Variants in SHANK2 observed in about 807,000 individuals in gnomAD.
SHANK2 encodes SH3 and multiple ankyrin repeat domains 2, also known as SH3 and multiple ankyrin repeat domains protein 2.
In SHANK2, 43 loss-of-function variants were observed where a neutral mutation model predicts 133.7. That is an observed-to-expected ratio of 0.32 (90% CI 0.25 to 0.41). SHANK2 has a LOEUF of 0.41. Among genes scored for constraint, SHANK2 ranks in the 10% least tolerant of loss-of-function variants. The pLI, the probability that SHANK2 is intolerant of heterozygous loss-of-function variation, is 1.00. For synonymous variants in SHANK2, 1,017 were observed against 952.8 expected (o/e 1.07, Z -1.24); for missense variants, 1,994 against 2,235.8 (o/e 0.89, Z 2.18).
chr11:70,929,372 G>A (rs1392100525), intron 10 of SHANK2, among the ~76,000 whole-genome samples: 1 of 152,222 alleles, frequency 6.6e-6, no homozygotes, highest in African/African-American at 2.4e-5. Flanking sequence ...GTTCCCTGTT[G>A]CTGCTGTAAC....
Position 70,569,814 on chromosome 11 carries a change from T to C in SHANK2, c.2062-66883A>G, listed in dbSNP as rs1296685121. 6.6e-6 allele frequency among the ~76,000 whole-genome samples: 1 copy of C among 151,184 alleles called. No homozygotes were observed. Among genetic ancestry groups the C allele is most frequent in the Non-Finnish European group, 1.5e-5 (1 of 67,822 alleles). On this transcript the variant is annotated intron_variant, in intron 17 of 25. Transcript: ENST00000601538. This position sits in a 1 kb window ranked among gnomAD's most constrained non-coding sequence, Gnocchi z 5.1. The stretch of plus-strand genomic sequence containing the variant: ...GGCAGATGTGTGAGCACGGAGGGGG[T>C]TCCTCAGCCCGGGAAAAGGCTGAGG...
intron 3 of SHANK2, among the ~76,000 whole-genome samples, chr11:71,143,479 G>A (rs1203741053): frequency 3.3e-5 from 5 of 152,178 alleles, no homozygotes; most frequent in East Asian, 1.9e-4. Flanking sequence ...GTGGTGGTCC[G>A]ACTTCTTGTC....
chr11:70,727,671 G>A (rs782255379), intron 14 of SHANK2, among the ~76,000 whole-genome samples: 6 of 152,170 alleles, frequency 3.9e-5, no homozygotes, highest in South Asian at 2.1e-4. Flanking sequence ...GCAGGCATAC[G>A]GTAAAAATGA....
At chr11:70,747,373 T>A (rs1946662586) in intron 14 of SHANK2, among the ~76,000 whole-genome samples, 1 of 152,180 alleles carries the variant, frequency 6.6e-6, no homozygotes, top group African/African-American at 2.4e-5. Flanking sequence ...AACACAGTCC[T>A]GTTTTCTGCT....
chr11:71,209,009 A>G (rs1302187637), intron 2 of SHANK2, among the ~76,000 whole-genome samples: 1 of 152,196 alleles, frequency 6.6e-6, no homozygotes, highest in Non-Finnish European at 1.5e-5. Flanking sequence ...CTCACCAGAG[A>G]GGACACTCGG....
chr11:71,133,346 ATGGCTGGC>A (rs57172693), intron 3 of SHANK2, among the ~76,000 whole-genome samples: 1 of 111,890 alleles, frequency 8.9e-6, no homozygotes, highest in Non-Finnish European at 1.8e-5. Flanking sequence ...GGGAGGATGC[ATGGCTGGC>A]TGGCTGGCTG....
chr11:70,866,182 C>A (rs1457874829), intron 11 of SHANK2, among the ~76,000 whole-genome samples: 1 of 152,184 alleles, frequency 6.6e-6, no homozygotes, highest in African/African-American at 2.4e-5. Context: ...GCAGTCTACA[C>A]CCTCCTGGTG....
chr11:70,530,513 G>A (rs1277237914), intron 17 of SHANK2, among the ~76,000 whole-genome samples: 2 of 152,164 alleles, frequency 1.3e-5, no homozygotes, highest in African/African-American at 4.8e-5. Flanking sequence ...TCCTGCCTGG[G>A]TGACAGAGCA....
At chr11:71,108,246 C>G (rs1242586648) in intron 6 of SHANK2, among the ~76,000 whole-genome samples, 4 of 152,218 alleles carry the variant, frequency 2.6e-5, no homozygotes, top group African/African-American at 4.8e-5. Context: ...GAAGCTGCCA[C>G]ATCAGCGCAG....
At chr11:71,134,260 G>C (rs1952394055) in intron 3 of SHANK2, among the ~76,000 whole-genome samples, 1 of 151,638 alleles carries the variant, frequency 6.6e-6, no homozygotes, top group Non-Finnish European at 1.5e-5. Context: ...CAGGCATCTG[G>C]GGAGGGGAGA....
At chr11:70,877,377 G>A (rs750222519) in intron 11 of SHANK2, among the ~76,000 whole-genome samples, 1 of 152,146 alleles carries the variant, frequency 6.6e-6, no homozygotes, top group Non-Finnish European at 1.5e-5. Flanking sequence ...CCGGCCACTG[G>A]GTCTGCCGGC....
At chr11:70,575,192 A>G (rs2060100551) in intron 17 of SHANK2, among the ~76,000 whole-genome samples, 1 of 152,142 alleles carries the variant, frequency 6.6e-6, no homozygotes, top group Non-Finnish European at 1.5e-5. Flanking sequence ...GCAGCAGAGG[A>G]ATGGTCACCC....
chr11:70,592,698 A>T (rs1279376618), intron 17 of SHANK2, among the ~76,000 whole-genome samples: 1 of 151,790 alleles, frequency 6.6e-6, no homozygotes, highest in African/African-American at 2.4e-5. Context: ...TCCCTCCTCC[A>T]GCCCCCTCCC....
At chr11:70,525,684 G>A (rs1316606292) in intron 17 of SHANK2, among the ~76,000 whole-genome samples, 4 of 151,836 alleles carry the variant, frequency 2.6e-5, no homozygotes, top group African/African-American at 4.8e-5. Context: ...TGGCACCCCC[G>A]TAAACACACA....
At chr11:70,860,219 T>A (rs1949236490) in intron 11 of SHANK2, among the ~76,000 whole-genome samples, 1 of 152,106 alleles carries the variant, frequency 6.6e-6, no homozygotes, top group African/African-American at 2.4e-5. Flanking sequence ...TCAAACCTTC[T>A]CTACCCGCCC....
intron 2 of SHANK2, among the ~76,000 whole-genome samples, chr11:71,220,944 T>TA (rs1276954217): frequency 1.3e-5 from 2 of 152,282 alleles, no homozygotes; most frequent in African/African-American, 4.8e-5. Context: ...CTCACGCCTA[T>TA]AATCCCAGCA....
intron 14 of SHANK2, among the ~76,000 whole-genome samples, chr11:70,779,444 G>A (rs992475876): frequency 6.6e-6 from 1 of 152,104 alleles, no homozygotes; most frequent in Non-Finnish European, 1.5e-5. Flanking sequence ...TGCTAATAGA[G>A]TCATTTGCCT....
rs932490692 is a variant in SHANK2 at position 70,925,663 on chromosome 11, G to A, written c.1108-29096C>T. On this transcript the variant is annotated intron_variant, in intron 10 of 25. Transcript: ENST00000601538. ...GGAAGAAAAGCCGGATTTGCACAGC[G>A]TGCCTACTGGATGTTACATGAACAT... Among the ~76,000 whole-genome samples the A allele has an allele frequency of 3.3e-5, 5 of 152,302 alleles. No individual in the cohort carries two copies. The South Asian group carries it at 6.2e-4, about 19-fold the overall frequency.
chr11:70,823,727 C>A (rs1555056628), intron 11 of SHANK2, among the ~76,000 whole-genome samples: 1 of 148,666 alleles, frequency 6.7e-6, no homozygotes, highest in African/African-American at 2.5e-5. Context: ...TAGTAGAGCT[C>A]ATGAGGGACA....
Sources: allele counts gnomAD v4.1 joint callset (sites outside exome capture counted in the v4.1 genomes callset), GRCh38; gene constraint gnomAD v4.1.1; non-coding constraint Gnocchi (gnomAD v3.1); transcripts MANE v1.5; gene names NCBI Gene and HGNC (gene_info 2026-07-23, HGNC 2026-07-21).